The following BCAS3 variants were observed in gnomAD, a reference collection of about 807,000 sequenced individuals.
BCAS3 encodes BCAS3 microtubule associated cell migration factor.
Under a neutral mutation model 116.1 loss-of-function variants are expected in BCAS3, and 53 were observed. That is an observed-to-expected ratio of 0.46 (90% CI 0.37 to 0.57). BCAS3 has a LOEUF of 0.57. Ranked by LOEUF, BCAS3 falls within the 20% of genes least tolerant of loss-of-function variation. The pLI, the probability that BCAS3 is intolerant of heterozygous loss-of-function variation, is 0.00. For missense variants in BCAS3, 917 were observed against 1,165.4 expected (o/e 0.79, Z 3.10); for synonymous variants, 391 against 408.2 (o/e 0.96, Z 0.51).
intron 19 of BCAS3, among the ~76,000 whole-genome samples, chr17:61,048,110 A>G (rs2068512625): frequency 1.3e-5 from 2 of 152,046 alleles, no homozygotes; most frequent in Admixed American, 6.6e-5. Flanking sequence ...TTTAAAAGGA[A>G]TATGAGAAAG....
chr17:61,391,041 G>T lies in BCAS3; in HGVS notation c.2594-936G>T, dbSNP rs2143693893. ...GAACTGACCACCTTCAAAAAGCCAAGAAGTAATTGGTTCTTCCTTGCACTC... is the reference window on the plus strand; with the variant it reads ...GAACTGACCACCTTCAAAAAGCCAATAAGTAATTGGTTCTTCCTTGCACTC... On this transcript the variant is annotated intron_variant, in intron 23 of 23. Coordinates refer to ENST00000407086, the MANE Select transcript of BCAS3 (RefSeq NM_017679.5). The surrounding 1 kb of genome is among the most constrained non-coding windows in gnomAD (Gnocchi z 7.7). 6.6e-6 allele frequency: 1 copy of T among 152,382 alleles called. No homozygotes were observed. The highest frequency in any genetic ancestry group is 1.9e-4 in the East Asian group (1 of 5,182). The allele number at this position is 152,382 out of a possible 1,614,324, so 9.4% of individuals were successfully genotyped here.
intron 12 of BCAS3, among the ~76,000 whole-genome samples, chr17:60,917,179 CA>C (rs1377574089): frequency 3.3e-5 from 5 of 152,048 alleles, no homozygotes; most frequent in African/African-American, 9.7e-5. Flanking sequence ...TATTATTTAA[CA>C]ATATAAAATG....
chr17:60,695,266 G>A (rs944049907), intron 4 of BCAS3, among the ~76,000 whole-genome samples: 14 of 152,008 alleles, frequency 9.2e-5, no homozygotes, highest in Admixed American at 2.0e-4. Context: ...GACTACAGGC[G>A]TGCGCCATCA....
Position 61,392,121 on chromosome 17 carries a change from C to G in BCAS3, c.2738C>G (p.Pro913Arg). ...QPLSLFPTGF[P>R] is the part of the protein sequence containing the mutation. ...CTCAGCCTCTTCCCGACTGGCTTCC[C>G]GTAGGTACCAGCAACCTGCTTCTGA... is the stretch of plus-strand genomic sequence containing the variant. The change falls in exon 24 of 24, where the codon CCG (proline) becomes CGG (arginine). Residue 913 changes from proline to arginine, a missense_variant. Pro to Arg is a moderately radical substitution (Grantham distance 103). Around this residue, in one of 3 missense-constraint regions of BCAS3, gnomAD observed 109 missense variants for 122.8 expected, o/e 0.89. Coordinates refer to ENST00000407086, the MANE Select transcript of BCAS3 (RefSeq NM_017679.5). The surrounding 1 kb of genome is among the most constrained non-coding windows in gnomAD (Gnocchi z 6.4). 3 of 1,613,092 alleles carry G rather than the reference C, an allele frequency of 1.9e-6. No individual in the cohort carries two copies. The highest frequency in any genetic ancestry group is 1.7e-6 in the Non-Finnish European group (2 of 1,179,724).
intron 23 of BCAS3, among the ~76,000 whole-genome samples, chr17:61,371,817 A>G (rs1654834369): frequency 6.6e-6 from 1 of 152,228 alleles, no homozygotes; most frequent in African/African-American, 2.4e-5. Context: ...AGCCCTGCTC[A>G]GCCGAGGTCT....
chr17:60,899,100 G>A lies in BCAS3; in HGVS notation c.739-3520G>A, dbSNP rs184056038. On this transcript the variant is annotated intron_variant, in intron 10 of 23. Coordinates refer to ENST00000407086, the MANE Select transcript of BCAS3 (RefSeq NM_017679.5). Reference sequence around the variant, plus strand: ...TCCCCAATGATGAGAGCAGATACCAGCCATGGTGGGTGGGGACAGGGTAAT... The same window carrying A: ...TCCCCAATGATGAGAGCAGATACCAACCATGGTGGGTGGGGACAGGGTAAT... 1.8e-3 allele frequency among the ~76,000 whole-genome samples: 272 copies of A among 152,254 alleles called. 3 individuals carry two copies. Among genetic ancestry groups the A allele is most frequent in the African/African-American group, 6.2e-3 (256 of 41,546 alleles).
intron 6 of BCAS3, among the ~76,000 whole-genome samples, chr17:60,750,878 G>A (rs2042400003): frequency 6.6e-6 from 1 of 152,250 alleles, no homozygotes; most frequent in African/African-American, 2.4e-5. Context: ...AGTAGTGCAT[G>A]CTCCCATAGG....
intron 22 of BCAS3, among the ~76,000 whole-genome samples, chr17:61,221,347 T>A (rs1179726366): frequency 6.6e-6 from 1 of 152,122 alleles, no homozygotes. Context: ...ATCCACAGTG[T>A]TGCAGGCTGC....
chr17:61,099,619 A>G (rs771440874), intron 22 of BCAS3, among the ~76,000 whole-genome samples: 2 of 152,246 alleles, frequency 1.3e-5, no homozygotes, highest in Non-Finnish European at 2.9e-5. Flanking sequence ...ATGTTTAAAC[A>G]GAATATTTCT....
chr17:61,204,141 C>T lies in BCAS3; in HGVS notation c.2425+119577C>T, dbSNP rs2080994346. Among the ~76,000 whole-genome samples the T allele has an allele frequency of 6.6e-6, 1 of 152,204 alleles. No individual in the cohort carries two copies. The highest frequency in any genetic ancestry group is 1.5e-5 in the Non-Finnish European group (1 of 68,032). On this transcript the variant is annotated intron_variant, in intron 22 of 23. Coordinates refer to ENST00000407086, the MANE Select transcript of BCAS3 (RefSeq NM_017679.5). The surrounding 1 kb of genome is among the most constrained non-coding windows in gnomAD (Gnocchi z 4.2). ...GAGTCACTCAGTCTCTGAGCCAAAC[C>T]TGCCTTTGTTTACAACTTTTCCGGA...
chr17:61,125,240 A>G (rs2075991280), intron 22 of BCAS3, among the ~76,000 whole-genome samples: 1 of 152,228 alleles, frequency 6.6e-6, no homozygotes, highest in South Asian at 2.1e-4. Context: ...ACTCACTTGA[A>G]CACGAAAATG....
At chr17:60,759,080 T>C (rs2043264591) in intron 6 of BCAS3, among the ~76,000 whole-genome samples, 2 of 152,040 alleles carry the variant, frequency 1.3e-5, no homozygotes, top group African/African-American at 4.8e-5. Context: ...TTCTATCGAT[T>C]CTCCTGCCTT....
At position 61,362,295 on chromosome 17, in the gene BCAS3, C is replaced by T. The variant is rs1044078281; in HGVS notation, c.2426-6032C>T. On this transcript the variant is annotated intron_variant, in intron 22 of 23. Transcript: ENST00000407086. This position sits in a 1 kb window ranked among gnomAD's most constrained non-coding sequence, Gnocchi z 4.4. ...ATTGTAGACGTCATCATCACAACCT[C>T]TCACCAAGGAGGGCTTACATCTTGC... Among the ~76,000 whole-genome samples, 1 of 152,258 alleles carries T rather than the reference C, an allele frequency of 6.6e-6. No homozygotes were observed. Among genetic ancestry groups the T allele is most frequent in the African/African-American group, 2.4e-5 (1 of 41,464 alleles).
rs550598801 is a variant in BCAS3 at position 61,352,470 on chromosome 17, C to T, written c.2426-15857C>T. On this transcript the variant is annotated intron_variant, in intron 22 of 23. Transcript: ENST00000407086. This position sits in a 1 kb window ranked among gnomAD's most constrained non-coding sequence, Gnocchi z 4.7. ...AAGGAAGGGGTGAGAGGAGGCTCTA[C>T]TGGCCTTTTTGAACTTACTTCTCAG... is the stretch of plus-strand genomic sequence containing the variant. 9.9e-5 allele frequency among the ~76,000 whole-genome samples: 15 copies of T among 152,126 alleles called. No individual in the cohort carries two copies. Among genetic ancestry groups the T allele is most frequent in the Non-Finnish European group, 2.2e-4 (15 of 68,028 alleles).
chr17:61,147,264 CG>C (rs1039652691), intron 22 of BCAS3, among the ~76,000 whole-genome samples: 56 of 152,056 alleles, frequency 3.7e-4, no homozygotes, highest in Middle Eastern at 3.4e-3. Flanking sequence ...TTAGTAGAGA[CG>C]GGGTTTCTCC....
rs193041571 is a variant in BCAS3, at chr17:61,020,672, A to T, written c.1637+4771A>T. ...GATGTTAGGTTTGTAGTAGGGATTT[A>T]TTAGCAGCATTTCATAGATGTTTGG... is the stretch of plus-strand genomic sequence containing the variant. On this transcript the variant is annotated intron_variant, in intron 16 of 23. Coordinates refer to ENST00000407086, the MANE Select transcript of BCAS3 (RefSeq NM_017679.5). The surrounding 1 kb of genome is among the most constrained non-coding windows in gnomAD (Gnocchi z 4.5). Among the ~76,000 whole-genome samples, 131 of 152,344 alleles carry T rather than the reference A, an allele frequency of 8.6e-4. 7 individuals are homozygous for T. In the South Asian group the frequency reaches 0.027, roughly 31 times the overall value.
chr17:60,846,721 T>G (rs2052568462), intron 7 of BCAS3, among the ~76,000 whole-genome samples: 1 of 152,110 alleles, frequency 6.6e-6, no homozygotes, highest in African/African-American at 2.4e-5. Context: ...AGCTCCAAGG[T>G]CTACTTTATC....
At chr17:60,863,273 A>G (rs544136759) in intron 7 of BCAS3, among the ~76,000 whole-genome samples, 13 of 152,310 alleles carry the variant, frequency 8.5e-5, no homozygotes, top group African/African-American at 2.9e-4. Context: ...GTGTATGCCT[A>G]TACCAGTACC....
intron 22 of BCAS3, among the ~76,000 whole-genome samples, chr17:61,269,844 C>A (rs1443337685): frequency 6.6e-6 from 1 of 150,942 alleles, no homozygotes; most frequent in East Asian, 1.9e-4. Flanking sequence ...TGCTCTGTTG[C>A]CCAGGCTGGA....
Sources: gnomAD v4.1 joint callset for allele counts (sites outside exome capture counted in the v4.1 genomes callset) on GRCh38, gnomAD v4.1.1 for gene constraint, gnomAD v4.1.1 regional missense constraint, Gnocchi (gnomAD v3.1) non-coding constraint, MANE v1.5 for transcripts, NCBI Gene and HGNC (gene_info 2026-07-23, HGNC 2026-07-21) for gene names.